Variants in CSF1 observed in about 807,000 individuals in gnomAD.
The protein encoded by CSF1 is macrophage colony-stimulating factor 1.
Under a neutral mutation model 48.9 loss-of-function variants are expected in CSF1, and 9 were observed. The ratio of observed to expected loss-of-function variants is 0.18; its 90% CI spans 0.11 to 0.32. The LOEUF (loss-of-function observed/expected upper bound fraction) is 0.32, where lower values mean the gene tolerates loss of function less well. CSF1 is among the 10% of genes least tolerant of loss of function. The pLI is 1.00. For missense variants in CSF1, 672 were observed against 697.9 expected (o/e 0.96, Z 0.42); for synonymous variants, 305 against 284.1 (o/e 1.07, Z -0.74).
Position 109,923,085 on chromosome 1 carries a change from G to A in CSF1, c.545-81G>A, listed in dbSNP as rs554347384. ...CAGACTCACATTCCCCTCTTGCCCCGCTCTGGGAAAGCTGTGCTGGAGGCT... is the reference window on the plus strand; with the variant it reads ...CAGACTCACATTCCCCTCTTGCCCCACTCTGGGAAAGCTGTGCTGGAGGCT... On this transcript the variant is annotated intron_variant, in intron 5 of 8. Coordinates refer to ENST00000329608, the MANE Select transcript of CSF1 (RefSeq NM_000757.6). 1.4e-4 allele frequency: 199 copies of A among 1,378,180 alleles called. No individual in the cohort carries two copies. The Admixed American group carries it at 4.5e-3, about 31-fold the overall frequency. 85.4% of individuals were successfully genotyped at this position (1,378,180 alleles called of 1,614,324 possible).
At chr1:109,912,046 C>T (rs139439640) in intron 1 of CSF1, among the ~76,000 whole-genome samples, 99 of 151,914 alleles carry the variant, frequency 6.5e-4, no homozygotes, top group African/African-American at 2.3e-3. Context: ...GGAGAGCGGG[C>T]TGCAGGTGAG....
intron 1 of CSF1, among the ~76,000 whole-genome samples, chr1:109,912,379 TG>T (rs1269343194): frequency 6.6e-6 from 1 of 152,108 alleles, no homozygotes; most frequent in African/African-American, 2.4e-5. Flanking sequence ...AGATTCCTTC[TG>T]AGGGCTGCTC....
At chr1:109,916,354 A>G (rs577107768) in intron 3 of CSF1, among the ~76,000 whole-genome samples, 1 of 152,038 alleles carries the variant, frequency 6.6e-6, no homozygotes, top group Non-Finnish European at 1.5e-5. Flanking sequence ...TGAAACGCCA[A>G]CCTGCTGCCT....
chr1:109,918,213 A>G (rs1647343963), intron 4 of CSF1, among the ~76,000 whole-genome samples: 1 of 152,246 alleles, frequency 6.6e-6, no homozygotes, highest in Non-Finnish European at 1.5e-5. Context: ...ACAAAGCCCT[A>G]AGGTAAACAA....
intron 8 of CSF1, among the ~76,000 whole-genome samples, chr1:109,925,647 A>T (rs1277966164): frequency 1.3e-5 from 2 of 151,988 alleles, no homozygotes; most frequent in African/African-American, 4.8e-5. Context: ...CGCACCAGTT[A>T]ACCCTCCTCC....
At chr1:109,915,231 C>T (rs755072871) in intron 2 of CSF1, among the ~76,000 whole-genome samples, 2 of 152,346 alleles carry the variant, frequency 1.3e-5, no homozygotes, top group East Asian at 3.9e-4. Context: ...CTAAAGAGGG[C>T]TTTAAGGGCA....
At chr1:109,912,493 G>C (rs975044333) in intron 1 of CSF1, among the ~76,000 whole-genome samples, 1 of 152,168 alleles carries the variant, frequency 6.6e-6, no homozygotes, top group African/African-American at 2.4e-5. Flanking sequence ...TGTCTGTCCA[G>C]ATCCTCCTGA....
intron 8 of CSF1, among the ~76,000 whole-genome samples, chr1:109,928,020 C>G (rs1647913513): frequency 6.6e-6 from 1 of 152,202 alleles, no homozygotes; most frequent in Non-Finnish European, 1.5e-5. Flanking sequence ...GAGCCAGAGG[C>G]TGTGGTTCCA....
rs140567876 is a variant in CSF1 at position 109,924,184 on chromosome 1, G to T, written c.1563G>T (p.Arg521Ser). 1.2e-6 allele frequency: 2 copies of T among 1,606,660 alleles called. No homozygotes were observed. The highest frequency in any genetic ancestry group is 2.7e-5 in the African/African-American group (2 of 74,748). The change falls in exon 6 of 9, where the codon AGG becomes AGT. Residue 521 changes from arginine to serine, a missense_variant. Coordinates refer to ENST00000329608, the MANE Select transcript of CSF1 (RefSeq NM_000757.6). ...GAGGCCTCTTGTTCTACAGGTGGAG[G>T]CGGCGGGTGAGTAGATCCCCATGAG... ...AVGGLLFYRW[R>S]RRSHQEPQRA... is the part of the protein sequence containing the mutation.
intron 4 of CSF1, 54 bp from the exon 5 acceptor site, chr1:109,921,793 G>C: frequency 1.4e-6 from 2 of 1,473,966 alleles, no homozygotes; most frequent in South Asian, 2.9e-5. Flanking sequence ...AAATAAGATG[G>C]AGACATGGGG....
intron 2 of CSF1, among the ~76,000 whole-genome samples, chr1:109,915,089 C>T (rs1191459619): frequency 6.6e-6 from 1 of 152,252 alleles, no homozygotes; most frequent in African/African-American, 2.4e-5. Context: ...GAGCTTGGGG[C>T]CTGTGGGCTG....
In CSF1 at chr1:109,910,976, G is replaced by T; in HGVS notation, c.-48G>T. ...ACTCCGCAGCAGCCAGCGAGCGAGC[G>T]AGCGAGCGAGGGCGGCCGACGCGCC... On this transcript the variant is annotated 5_prime_UTR_variant, in exon 1 of 9. Coordinates refer to ENST00000329608, the MANE Select transcript of CSF1 (RefSeq NM_000757.6). 1 of 1,156,502 alleles carries T rather than the reference G, an allele frequency of 8.6e-7. No individual in the cohort carries two copies. Among genetic ancestry groups the T allele is most frequent in the East Asian group, 4.3e-5 (1 of 23,278 alleles). 71.6% of individuals were successfully genotyped at this position (1,156,502 alleles called of 1,614,324 possible). A position where few individuals can be genotyped will look rare whatever the true frequency, so the allele number is the denominator to read the frequency against.
intron 8 of CSF1, among the ~76,000 whole-genome samples, chr1:109,928,127 TG>T (rs1228502072): frequency 6.6e-6 from 1 of 152,194 alleles, no homozygotes; most frequent in Admixed American, 6.5e-5. Flanking sequence ...AGGGGATTTC[TG>T]CTCTGGGAAC....
intron 4 of CSF1, among the ~76,000 whole-genome samples, chr1:109,920,547 G>C (rs1240247868): frequency 6.6e-6 from 1 of 152,164 alleles, no homozygotes; most frequent in African/African-American, 2.4e-5. Context: ...TCGAACTCCT[G>C]ACCTCGTGAT....
intron 5 of CSF1, among the ~76,000 whole-genome samples, chr1:109,922,816 G>A (rs1017253962): frequency 3.3e-5 from 5 of 152,288 alleles, no homozygotes; most frequent in East Asian, 1.9e-4. Flanking sequence ...GGTCTGGAAG[G>A]CAACCGTTCA....
chr1:109,917,817 C>T (rs139980277), intron 4 of CSF1, among the ~76,000 whole-genome samples: 5 of 152,196 alleles, frequency 3.3e-5, no homozygotes, highest in African/African-American at 4.8e-5. Context: ...GTGTACCAGA[C>T]ACTGTTCTAG....
chr1:109,922,073 G>T, intron 5 of CSF1, 79 bp downstream of exon 5: 1 of 1,499,332 alleles, frequency 6.7e-7, no homozygotes. Flanking sequence ...TGTGAAGCTG[G>T]GGGGACCCCT....
At chr1:109,912,825 C>A (rs1654745632) in intron 1 of CSF1, among the ~76,000 whole-genome samples, 1 of 152,204 alleles carries the variant, frequency 6.6e-6, no homozygotes, top group African/African-American at 2.4e-5. Flanking sequence ...CCACCCAGGG[C>A]AACCTCCCCA....
intron 1 of CSF1, among the ~76,000 whole-genome samples, chr1:109,912,077 T>G: frequency 6.7e-6 from 1 of 148,684 alleles, no homozygotes; most frequent in Non-Finnish European, 1.5e-5. Context: ...AAGGGAAGAG[T>G]GGGTCCACAG....
Sources: gnomAD v4.1 joint callset for allele counts (sites outside exome capture counted in the v4.1 genomes callset) on GRCh38, gnomAD v4.1.1 for gene constraint, MANE v1.5 for transcripts, NCBI Gene and HGNC (gene_info 2026-07-23, HGNC 2026-07-21) for gene names.